Variants in LYPD6 observed in about 807,000 individuals in gnomAD.
LYPD6 encodes the protein ly6/PLAUR domain-containing protein 6.
LYPD6 carries 15 observed loss-of-function variants against 22.7 expected under a neutral mutation model. That is an observed-to-expected ratio of 0.66 (90% CI 0.44 to 1.02). LYPD6 has a LOEUF of 1.02. Among genes scored for constraint, LYPD6 ranks in the 50% least tolerant of loss-of-function variants. The probability of loss-of-function intolerance (pLI) is 0.00; values close to 1 mark genes in which losing one functional copy is unlikely to be tolerated. For synonymous variants in LYPD6, 72 were observed against 77.5 expected (o/e 0.93, Z 0.37); for missense variants, 189 against 208.4 (o/e 0.91, Z 0.57).
At chr2:149,454,217 T>C (rs1680901535) in intron 3 of LYPD6, among the ~76,000 whole-genome samples, 1 of 152,190 alleles carries the variant, frequency 6.6e-6, no homozygotes, top group Admixed American at 6.5e-5. Flanking sequence ...AGTGCACAAT[T>C]TGTGAATGTT....
rs59440032 is a variant in LYPD6, at chr2:149,395,102, AT to A, written c.-71-42524del. ...TAGGATATGAGGTGGGAGACCAACCATTTTTTTTTTTTCCATTTGAGTAGTC... is the reference window on the plus strand; with the variant it reads ...TAGGATATGAGGTGGGAGACCAACCATTTTTTTTTTTCCATTTGAGTAGTC... On this transcript the variant is annotated intron_variant, in intron 1 of 4. Transcript: ENST00000334166. Among the ~76,000 whole-genome samples, 1,200 of 144,890 alleles carry A rather than the reference AT, an allele frequency of 8.3e-3. 9 individuals are homozygous for A. Among genetic ancestry groups the A allele is most frequent in the African/African-American group, 0.026 (1,050 of 40,054 alleles).
At chr2:149,411,206 G>A (rs772668804) in intron 1 of LYPD6, among the ~76,000 whole-genome samples, 2 of 152,122 alleles carry the variant, frequency 1.3e-5, no homozygotes, top group East Asian at 3.9e-4. Flanking sequence ...CTGACGCAGC[G>A]TCAAGTTTAG....
At chr2:149,429,882 A>T (rs921789588) in intron 1 of LYPD6, among the ~76,000 whole-genome samples, 8 of 152,154 alleles carry the variant, frequency 5.3e-5, no homozygotes, top group Non-Finnish European at 1.5e-5. Flanking sequence ...GTCTCAAGGC[A>T]CTTAGGCTGC....
intron 1 of LYPD6, chr2:149,370,429 G>C (rs1188417224): frequency 2.0e-5 from 3 of 152,064 alleles, no homozygotes; most frequent in African/African-American, 7.2e-5. Context: ...CATGAGGGTG[G>C]AGCCCTCATG....
chr2:149,456,663 G>A (rs1377669356), intron 3 of LYPD6, among the ~76,000 whole-genome samples: 1 of 152,180 alleles, frequency 6.6e-6, no homozygotes, highest in African/African-American at 2.4e-5. Context: ...CTGTTGTGAA[G>A]ACACAAGGAA....
intron 2 of LYPD6, among the ~76,000 whole-genome samples, chr2:149,447,462 C>A (rs1180771589): frequency 6.6e-6 from 1 of 152,184 alleles, no homozygotes; most frequent in Non-Finnish European, 1.5e-5. Flanking sequence ...CCTCTGGTGC[C>A]TCATCCCCAC....
chr2:149,433,795 C>T (rs906672322), intron 1 of LYPD6, among the ~76,000 whole-genome samples: 5 of 152,172 alleles, frequency 3.3e-5, no homozygotes, highest in African/African-American at 1.2e-4. Context: ...ATGGCATTTT[C>T]CCCATGTTGT....
At chr2:149,423,285 A>G (rs1196951242) in intron 1 of LYPD6, among the ~76,000 whole-genome samples, 1 of 152,196 alleles carries the variant, frequency 6.6e-6, no homozygotes, top group East Asian at 1.9e-4. Context: ...GCATTCAATA[A>G]AGGAAGGTTC....
downstream of LYPD6, among the ~76,000 whole-genome samples, chr2:149,477,745 A>G (rs555474933): frequency 1.3e-5 from 2 of 152,184 alleles, no homozygotes; most frequent in Non-Finnish European, 2.9e-5. Context: ...GAAAACAACC[A>G]GAGTATAAGT....
At chr2:149,376,070 A>G (rs570139832) in intron 1 of LYPD6, among the ~76,000 whole-genome samples, 15 of 152,202 alleles carry the variant, frequency 9.9e-5, no homozygotes, top group Non-Finnish European at 1.6e-4. Flanking sequence ...AAAAACACAA[A>G]AGGGCTGCAT....
intron 1 of LYPD6, among the ~76,000 whole-genome samples, chr2:149,357,954 T>C (rs1472662402): frequency 1.3e-5 from 2 of 152,020 alleles, no homozygotes; most frequent in Admixed American, 1.3e-4. Flanking sequence ...CCTGGCTAAT[T>C]CTTGGATTTT....
intron 2 of LYPD6, among the ~76,000 whole-genome samples, chr2:149,448,459 C>G (rs1187002297): frequency 6.6e-6 from 1 of 152,030 alleles, no homozygotes; most frequent in East Asian, 1.9e-4. Flanking sequence ...GTGTATCCTC[C>G]ACCAGAGTTG....
intron 1 of LYPD6, among the ~76,000 whole-genome samples, chr2:149,346,093 A>T (rs1425835713): frequency 1.3e-5 from 2 of 152,240 alleles, no homozygotes; most frequent in Admixed American, 6.5e-5. Context: ...GAATAAATGA[A>T]TAAATTGTTA....
chr2:149,451,105 A>T (rs1303233088), intron 3 of LYPD6, among the ~76,000 whole-genome samples: 3 of 152,202 alleles, frequency 2.0e-5, no homozygotes, highest in Non-Finnish European at 2.9e-5. Flanking sequence ...TATTTCTCGC[A>T]GTTCTTGAGG....
At chr2:149,354,800 G>A (rs1350936185) in intron 1 of LYPD6, among the ~76,000 whole-genome samples, 2 of 152,154 alleles carry the variant, frequency 1.3e-5, no homozygotes, top group African/African-American at 4.8e-5. Context: ...TTAATGACCT[G>A]CAAAATTTGA....
intron 2 of LYPD6, among the ~76,000 whole-genome samples, chr2:149,441,857 C>G (rs1683574672): frequency 6.6e-6 from 1 of 152,120 alleles, no homozygotes; most frequent in Non-Finnish European, 1.5e-5. Flanking sequence ...TAGAAAGAAA[C>G]CTTTCCTAAG....
intron 1 of LYPD6, among the ~76,000 whole-genome samples, chr2:149,408,196 C>T (rs541995686): frequency 6.6e-6 from 1 of 152,312 alleles, no homozygotes; most frequent in African/African-American, 2.4e-5. Context: ...CAGGGACCCA[C>T]TTGAGGAGGC....
intron 1 of LYPD6, among the ~76,000 whole-genome samples, chr2:149,416,895 C>A (rs1339421837): frequency 1.3e-5 from 2 of 152,108 alleles, no homozygotes; most frequent in Non-Finnish European, 2.9e-5. Context: ...ATGAGTGGTG[C>A]GATATGTGAT....
chr2:149,383,492 G>A (rs759290001), intron 1 of LYPD6, among the ~76,000 whole-genome samples: 17 of 152,026 alleles, frequency 1.1e-4, no homozygotes, highest in Admixed American at 2.0e-4. Context: ...GATCATGTGC[G>A]TTGCCACATG....
Sources: gnomAD v4.1 joint callset for allele counts (sites outside exome capture counted in the v4.1 genomes callset) on GRCh38, gnomAD v4.1.1 for gene constraint, MANE v1.5 for transcripts, NCBI Gene and HGNC (gene_info 2026-07-23, HGNC 2026-07-21) for gene names.